PLOD1: variants seen among roughly 807,000 people sequenced by gnomAD.
The protein encoded by PLOD1 is procollagen-lysine,2-oxoglutarate 5-dioxygenase 1.
PLOD1 carries 70 observed loss-of-function variants against 94.7 expected under a neutral mutation model. The observed-to-expected ratio is 0.74, with a 90% CI of 0.61 to 0.90. The LOEUF (loss-of-function observed/expected upper bound fraction) is 0.90, where lower values mean the gene tolerates loss of function less well. PLOD1 is among the 40% of genes least tolerant of loss of function. The pLI is 0.00. For synonymous variants in PLOD1, 417 were observed against 400.2 expected, an observed-to-expected ratio of 1.04 and a Z score of -0.50; for missense variants, 905 against 972.7, an observed-to-expected ratio of 0.93 and a Z score of 0.93.
At chr1:11,966,910 G>A in intron 15 of PLOD1, 77 bp from the exon 16 acceptor site, 3 of 913,756 alleles carry the variant, frequency 3.3e-6, no homozygotes, top group East Asian at 2.4e-5. Flanking sequence ...CCTGGCTTGG[G>A]TGTGTGGCCC....
In PLOD1 at chr1:11,964,143, C is replaced by T. The variant is rs200325480; in HGVS notation, c.1203-32C>T. ...GCTGTCTCCTACTCCCAGTGGGCAG[C>T]GACCTCCTACTGAGGTGCTCCCTTC... On this transcript the variant is annotated intron_variant, in intron 11 of 18. Coordinates refer to ENST00000196061, the MANE Select transcript of PLOD1 (RefSeq NM_000302.4). 1,745 of 1,610,668 alleles carry T rather than the reference C, an allele frequency of 1.1e-3. 8 individuals carry two copies. Among genetic ancestry groups the T allele is most frequent in the Middle Eastern group, 8.3e-4 (5 of 6,060 alleles).
At chr1:11,941,973 A>G (rs1181454023) in intron 1 of PLOD1, among the ~76,000 whole-genome samples, 1 of 143,838 alleles carries the variant, frequency 7.0e-6, no homozygotes, top group Non-Finnish European at 1.5e-5. Context: ...TGTGTGAGCC[A>G]CTGTGCCCGG....
At position 11,966,286 on chromosome 1, in the gene PLOD1, C is replaced by A; in HGVS notation, c.1620C>A (p.Thr540=). 6.2e-7 allele frequency: 1 copy of A among 1,608,170 alleles called. No individual in the cohort carries two copies. Among genetic ancestry groups the A allele is most frequent in the Non-Finnish European group, 8.5e-7 (1 of 1,177,286 alleles). The change falls in exon 15 of 19, where the codon ACC becomes ACA. Residue 540 remains threonine, a synonymous_variant. Transcript: ENST00000196061. ...AGAAGTACATCCACCAGAACTACAC[C>A]AAAGCCCTGGCAGGGAAGCTGGTGG... is the stretch of plus-strand genomic sequence containing the variant. ...WKEKYIHQNY[T]KALAGKLVET... is the part of the protein sequence containing the mutation.
At chr1:11,939,190 A>T (rs1645599109) in intron 1 of PLOD1, among the ~76,000 whole-genome samples, 1 of 151,924 alleles carries the variant, frequency 6.6e-6, no homozygotes, top group African/African-American at 2.4e-5. Context: ...GGGTCCCAGG[A>T]GTCAGTCAGG....
intron 1 of PLOD1, among the ~76,000 whole-genome samples, chr1:11,936,637 G>A (rs1321132589): frequency 3.3e-5 from 5 of 150,990 alleles, no homozygotes; most frequent in Admixed American, 2.0e-4. Flanking sequence ...ATTCTCGTGC[G>A]TCAGCCTCCC....
chr1:11,954,017 A>G (rs550664249), intron 5 of PLOD1, among the ~76,000 whole-genome samples: 10 of 151,418 alleles, frequency 6.6e-5, no homozygotes, highest in African/African-American at 2.4e-4. Flanking sequence ...GGCCTGCGTC[A>G]CCATGTCTGG....
chr1:11,973,057 G>A, intron 18 of PLOD1, 60 bp downstream of exon 18: 1 of 1,606,128 alleles, frequency 6.2e-7, no homozygotes, highest in African/African-American at 1.3e-5. Flanking sequence ...GGCTAGCTGA[G>A]GAGAGGCTTC....
chr1:11,951,361 T>G (rs1486710305), intron 4 of PLOD1, among the ~76,000 whole-genome samples: 3 of 140,218 alleles, frequency 2.1e-5, no homozygotes, highest in African/African-American at 8.0e-5. Flanking sequence ...AGGCCAGGAG[T>G]TCAAGACCAG....
intron 13 of PLOD1, 78 bp downstream of exon 13, chr1:11,964,863 T>A: frequency 1.3e-6 from 2 of 1,488,984 alleles, no homozygotes; most frequent in Non-Finnish European, 1.9e-6. Flanking sequence ...CTGACCCTCA[T>A]GGTGGGCCGC....
intron 16 of PLOD1, among the ~76,000 whole-genome samples, chr1:11,968,262 C>G (rs2100762392): frequency 6.6e-6 from 1 of 151,822 alleles, no homozygotes; most frequent in South Asian, 2.1e-4. Flanking sequence ...CCTAAGGCAC[C>G]TTTTTATTTT....
Position 11,952,678 on chromosome 1 carries a change from G to GGACAGC in PLOD1, c.531_536dup (p.Ser178_Asp179dup), listed in dbSNP as rs1474597049. 6.2e-7 allele frequency: 1 copy of GGACAGC among 1,614,034 alleles called. No individual in the cohort carries two copies. The highest frequency in any genetic ancestry group is 1.3e-5 in the African/African-American group (1 of 74,938). On this transcript the variant is annotated inframe_insertion, in exon 5 of 19. Transcript: ENST00000196061. ...AACTGGTGGCCGAGTGGGAGGGCCA[G>GGACAGC]GACAGCGACAGCGATCAGCTGTTTT...
intron 16 of PLOD1, among the ~76,000 whole-genome samples, chr1:11,968,844 T>C (rs1288439396): frequency 2.7e-5 from 4 of 148,552 alleles, no homozygotes. Context: ...ACGTCCTTTT[T>C]TTTTTTTTTT....
At chr1:11,960,912 T>C in intron 10 of PLOD1, 145 bp downstream of exon 10, 1 of 1,279,606 alleles carries the variant, frequency 7.8e-7, no homozygotes, top group Non-Finnish European at 1.1e-6. Context: ...CCTTGGAGTT[T>C]CCATCTGTCA....
At chr1:11,970,549 C>T (rs1645854047) in intron 16 of PLOD1, 121 bp from the exon 17 acceptor site, 3 of 896,324 alleles carry the variant, frequency 3.3e-6, no homozygotes, top group Non-Finnish European at 5.4e-6. Flanking sequence ...ATCTGCAAAG[C>T]CTGTTCAGTT....
Position 11,957,377 on chromosome 1 carries a change from CG to C in PLOD1, c.741+365del, listed in dbSNP as rs1645746462. Among the ~76,000 whole-genome samples, 1 of 152,132 alleles carries C rather than the reference CG, an allele frequency of 6.6e-6. No individual in the cohort carries two copies. The highest frequency in any genetic ancestry group is 2.4e-5 in the African/African-American group (1 of 41,428). On this transcript the variant is annotated intron_variant, in intron 7 of 18. Transcript: ENST00000196061. This position sits in a 1 kb window ranked among gnomAD's most constrained non-coding sequence, Gnocchi z 4.1. ...CAGTAAGACATAGTCATAAGCAGGA[CG>C]GATGTCCTGCATTCATGGTGACAGA...
Position 11,972,516 on chromosome 1 carries a change from G to A in PLOD1, c.1903-356G>A, listed in dbSNP as rs946948872. 3.6e-6 allele frequency: 1 copy of A among 279,838 alleles called. No homozygotes were observed. Among genetic ancestry groups the A allele is most frequent in the African/African-American group, 2.2e-5 (1 of 45,882 alleles). 17.3% of individuals were successfully genotyped at this position (279,838 alleles called of 1,614,324 possible). On this transcript the variant is annotated intron_variant, in intron 17 of 18. Transcript: ENST00000196061. This position sits in a 1 kb window ranked among gnomAD's most constrained non-coding sequence, Gnocchi z 4.6. ...GATCCGCCCACCTTGGCCTCCCAAAGTGCTGGAATTACAGGCGTGAGTACC... is the reference window on the plus strand; with the variant it reads ...GATCCGCCCACCTTGGCCTCCCAAAATGCTGGAATTACAGGCGTGAGTACC...
chr1:11,960,518 A>G (rs565028606), intron 9 of PLOD1, 128 bp from the exon 10 acceptor site: 1 of 744,612 alleles, frequency 1.3e-6, no homozygotes, highest in Non-Finnish European at 2.4e-6. Flanking sequence ...GGAGACAGGA[A>G]AGCAGATGGC....
rs1645771755 is a variant in PLOD1 at position 11,960,678 on chromosome 1, C to T, written c.1008C>T (p.Phe336=). ...EQHHKAQVEE[F]LAQHGSEYQS... is the part of the protein sequence containing the mutation. Reference sequence around the variant, plus strand: ...ACCACAAGGCTCAGGTGGAAGAGTTCCTGGCACAGCATGGCAGCGAGTACC... The same window carrying T: ...ACCACAAGGCTCAGGTGGAAGAGTTTCTGGCACAGCATGGCAGCGAGTACC... The change falls in exon 10 of 19, where the codon TTC becomes TTT. Residue 336 remains phenylalanine, a synonymous_variant. Transcript: ENST00000196061. The T allele has an allele frequency of 2.5e-6, 4 of 1,599,004 alleles. No homozygotes were observed. Among genetic ancestry groups the T allele is most frequent in the East Asian group, 4.5e-5 (2 of 44,184 alleles).
At position 11,957,343 on chromosome 1, in the gene PLOD1, TGC is replaced by T. The variant is rs1645746121; in HGVS notation, c.741+330_741+331del. ...ACTCAGTAAACCTTTATTTCATGTT[TGC>T]ACCAGACAGTAAGACATAGTCATAA... On this transcript the variant is annotated intron_variant, in intron 7 of 18. Transcript: ENST00000196061. The surrounding 1 kb of genome is among the most constrained non-coding windows in gnomAD (Gnocchi z 4.1). The T allele has an allele frequency of 2.0e-6, 1 of 492,594 alleles. No homozygotes were observed. Among genetic ancestry groups the T allele is most frequent in the African/African-American group, 1.9e-5 (1 of 51,956 alleles). The allele number at this position is 492,594 out of a possible 1,614,324, so 30.5% of individuals were successfully genotyped here. A position where few individuals can be genotyped will look rare whatever the true frequency, so the allele number is the denominator to read the frequency against.
Sources: allele counts gnomAD v4.1 joint callset (sites outside exome capture counted in the v4.1 genomes callset), GRCh38; gene constraint gnomAD v4.1.1; non-coding constraint Gnocchi (gnomAD v3.1); transcripts MANE v1.5; gene names NCBI Gene and HGNC (gene_info 2026-07-23, HGNC 2026-07-21).